Variants in CR2 observed in about 807,000 individuals in gnomAD.
The protein encoded by CR2 is complement receptor type 2.
In CR2, 96 loss-of-function variants were observed where a neutral mutation model predicts 123.0. That is an observed-to-expected ratio of 0.78 (90% CI 0.66 to 0.93). CR2 has a LOEUF of 0.93. Among genes scored for constraint, CR2 ranks in the 40% least tolerant of loss-of-function variants. The probability of loss-of-function intolerance (pLI) is 0.00; values close to 1 mark genes in which losing one functional copy is unlikely to be tolerated. For synonymous variants in CR2, 484 were observed against 469.5 expected (o/e 1.03, Z -0.40); for missense variants, 1,258 against 1,361.0 (o/e 0.92, Z 1.19).
In CR2 at chr1:207,473,019, T is replaced by C; in HGVS notation, c.1818T>C (p.His606=). ...SLLAVQCSHV[H]IANGYKISGK... is the part of the protein sequence containing the mutation. ...TTGCTGTCCAGTGCTCACATGTCCA[T>C]ATTGCAAATGGATACAAGATATCTG... Residue 606 remains histidine (H), a synonymous_variant, in exon 10 of 20, where the codon CAT becomes CAC. Coordinates refer to ENST00000367057, the MANE Select transcript of CR2 (RefSeq NM_001006658.3). 1 of 1,614,008 alleles carries C rather than the reference T, an allele frequency of 6.2e-7. No individual in the cohort carries two copies. Among genetic ancestry groups the C allele is most frequent in the Non-Finnish European group, 8.5e-7 (1 of 1,179,948 alleles).
intron 1 of CR2, among the ~76,000 whole-genome samples, chr1:207,458,588 C>A (rs904204609): frequency 4.6e-5 from 7 of 152,310 alleles, no homozygotes; most frequent in Non-Finnish European, 8.8e-5. Flanking sequence ...CCTGTTAGGC[C>A]TCTGCCTAAA....
intron 6 of CR2, 101 bp from the exon 7 acceptor site, chr1:207,470,639 C>A: frequency 8.7e-7 from 1 of 1,154,718 alleles, no homozygotes; most frequent in Non-Finnish European, 1.3e-6. Flanking sequence ...ACAGCTGACG[C>A]CAGAGTGGAA....
intron 14 of CR2, among the ~76,000 whole-genome samples, chr1:207,475,805 C>T (rs536215881): frequency 1.3e-5 from 2 of 152,304 alleles, no homozygotes; most frequent in Admixed American, 1.3e-4. Context: ...CCCTTTGCTT[C>T]CCAGCAAGGC....
chr1:207,469,353 T>C (rs1214947990), intron 5 of CR2, 121 bp downstream of exon 5: 1 of 855,184 alleles, frequency 1.2e-6, no homozygotes, highest in Non-Finnish European at 2.0e-6. Context: ...TTTAAGGATA[T>C]GTGCTTCACC....
At chr1:207,488,210 T>C (rs1658799803) in intron 19 of CR2, among the ~76,000 whole-genome samples, 1 of 152,180 alleles carries the variant, frequency 6.6e-6, no homozygotes, top group Admixed American at 6.5e-5. Flanking sequence ...CCCAAGATAA[T>C]ATCAAGATGA....
At position 207,481,226 on chromosome 1, in the gene CR2, T is replaced by C. The variant is rs899743570; in HGVS notation, c.3188+1173T>C. 1.4e-4 allele frequency among the ~76,000 whole-genome samples: 22 copies of C among 152,232 alleles called. 1 individual carries two copies. Among genetic ancestry groups the C allele is most frequent in the Admixed American group, 1.1e-3 (17 of 15,288 alleles). On this transcript the variant is annotated intron_variant, in intron 18 of 19. Transcript: ENST00000367057. Reference sequence around the variant, plus strand: ...GTATGGTAGTTGAAGTAAACCTACTTGTACTTTTTTTCCCTATATATTCAA... The same window carrying C: ...GTATGGTAGTTGAAGTAAACCTACTCGTACTTTTTTTCCCTATATATTCAA...
rs1558189184 is a variant in CR2 at position 207,466,760 on chromosome 1, G to A, written c.293G>A (p.Gly98Glu). The A allele has an allele frequency of 6.2e-7, 1 of 1,613,880 alleles. No individual in the cohort carries two copies. The change falls in exon 2 of 20, where the codon GGA becomes GAA. Residue 98 changes from glycine (G) to glutamate (E), a missense_variant. Gly to Glu is a moderately conservative substitution (Grantham distance 98, BLOSUM62 -2). Coordinates refer to ENST00000367057, the MANE Select transcript of CR2 (RefSeq NM_001006658.3). ...YSSCPEPIVPGGYKIRGSTPY... is the reference protein window; with the variant it reads ...YSSCPEPIVPEGYKIRGSTPY... ...TCTTGCCCTGAGCCCATAGTACCAG[G>A]AGGATACAAAATTAGAGGCTCTACA...
rs373293174 is a variant in CR2 at position 207,472,854 on chromosome 1, G to A, written c.1653G>A (p.Thr551=). 9.9e-6 allele frequency: 16 copies of A among 1,613,788 alleles called. No individual in the cohort carries two copies. The highest frequency in any genetic ancestry group is 1.3e-5 in the African/African-American group (1 of 74,854). Residue 551 remains threonine (T), a synonymous_variant, in exon 10 of 20, where the codon ACG becomes ACA. Transcript: ENST00000367057. The part of the protein sequence containing the change: ...SSLEDFPYGT[T]VTYTCNPGPE... ...TAGAAGATTTTCCATATGGAACCAC[G>A]GTCACTTACACATGTAACCCTGGGC... is the stretch of plus-strand genomic sequence containing the variant.
In CR2 at chr1:207,467,683, G is replaced by C. The variant is rs184757615; in HGVS notation, c.445+771G>C. ...ATGGGATTCTGTTTATTGATTGATT[G>C]ATTGATAAATAGCCTTGGAGGAAGG... On this transcript the variant is annotated intron_variant, in intron 2 of 19. Coordinates refer to ENST00000367057, the MANE Select transcript of CR2 (RefSeq NM_001006658.3). Among the ~76,000 whole-genome samples, 8 of 152,316 alleles carry C rather than the reference G, an allele frequency of 5.3e-5. No individual in the cohort carries two copies. The East Asian group carries it at 1.4e-3, about 26-fold the overall frequency.
intron 10 of CR2, 122 bp downstream of exon 10, chr1:207,473,301 C>A: frequency 8.1e-7 from 1 of 1,236,536 alleles, no homozygotes; most frequent in Non-Finnish European, 1.1e-6. Context: ...TCTGTTTCTT[C>A]CATCCTATAA....
Position 207,471,003 on chromosome 1 carries a change from C to A in CR2, c.1409C>A (p.Ala470Glu), listed in dbSNP as rs545091003. Residue 470 changes from alanine (A) to glutamate (E), a missense_variant, in exon 8 of 20, where the codon GCG (alanine) becomes GAG (glutamate). Coordinates refer to ENST00000367057, the MANE Select transcript of CR2 (RefSeq NM_001006658.3). Reference sequence around the variant, plus strand: ...TCCTAGTCTCTTTTCTTAGTGGCAGCGTGTGAAGCTACAGGAAGGCAACTC... The same window carrying A: ...TCCTAGTCTCTTTTCTTAGTGGCAGAGTGTGAAGCTACAGGAAGGCAACTC... ...TPPVPQCKVA[A>E]CEATGRQLLT... 4 of 1,613,680 alleles carry A rather than the reference C, an allele frequency of 2.5e-6. No individual in the cohort carries two copies. Among genetic ancestry groups the A allele is most frequent in the Non-Finnish European group, 3.4e-6 (4 of 1,179,814 alleles).
At chr1:207,488,003 AATC>A (rs1371648029) in intron 19 of CR2, among the ~76,000 whole-genome samples, 1 of 152,226 alleles carries the variant, frequency 6.6e-6, no homozygotes, top group Non-Finnish European at 1.5e-5. Context: ...GAAGGCATTA[AATC>A]ATCAACTAAG....
At chr1:207,487,546 A>G (rs1658783436) in intron 19 of CR2, among the ~76,000 whole-genome samples, 1 of 152,248 alleles carries the variant, frequency 6.6e-6, no homozygotes, top group South Asian at 2.1e-4. Flanking sequence ...AATTGCAGCT[A>G]TCAAATACAG....
At chr1:207,466,072 A>G (rs1658090765) in intron 1 of CR2, among the ~76,000 whole-genome samples, 1 of 152,222 alleles carries the variant, frequency 6.6e-6, no homozygotes, top group South Asian at 2.1e-4. Context: ...TATACTATAG[A>G]CTAAGAAACT....
Position 207,470,103 on chromosome 1 carries a change from G to T in CR2, c.1225+1G>T. 1 of 1,613,478 alleles carries T rather than the reference G, an allele frequency of 6.2e-7. No homozygotes were observed. Among genetic ancestry groups the T allele is most frequent in the Non-Finnish European group, 8.5e-7 (1 of 1,179,822 alleles). On this transcript the variant is annotated splice_donor_variant, in intron 6 of 19. Coordinates refer to ENST00000367057, the MANE Select transcript of CR2 (RefSeq NM_001006658.3). LOFTEE classifies it high-confidence loss of function. The stretch of plus-strand genomic sequence containing the variant: ...CCATCTGCACCAGTCTGTGAAAAGG[G>T]TGAGTGTTCCGGTACTCAGAAAAGG...
chr1:207,471,544 A>G (rs750605901), intron 9 of CR2, 45 bp downstream of exon 9: 3 of 1,340,854 alleles, frequency 2.2e-6, no homozygotes, highest in African/African-American at 1.4e-5. Flanking sequence ...TGTGAGATCT[A>G]TACATTTCCT....
At chr1:207,461,491 A>G (rs1434760885) in intron 1 of CR2, among the ~76,000 whole-genome samples, 1 of 152,136 alleles carries the variant, frequency 6.6e-6, no homozygotes, top group Non-Finnish European at 1.5e-5. Context: ...ATATTGCCCT[A>G]TTTTAGACTT....
At chr1:207,478,351 G>A (rs1217109692) in intron 16 of CR2, among the ~76,000 whole-genome samples, 1 of 150,854 alleles carries the variant, frequency 6.6e-6, no homozygotes. Flanking sequence ...AGTGAGACCT[G>A]GTCTCTACCA....
At chr1:207,475,834 G>A (rs1658421039) in intron 14 of CR2, among the ~76,000 whole-genome samples, 1 of 152,184 alleles carries the variant, frequency 6.6e-6, no homozygotes, top group African/African-American at 2.4e-5. Flanking sequence ...CTTGAGCTGA[G>A]CAGTGGCTGC....
Sources: gnomAD v4.1 joint callset for allele counts (sites outside exome capture counted in the v4.1 genomes callset) on GRCh38, gnomAD v4.1.1 for gene constraint, MANE v1.5 for transcripts, NCBI Gene and HGNC (gene_info 2026-07-23, HGNC 2026-07-21) for gene names.